The following LRRTM3 variants were observed in gnomAD, a reference collection of about 807,000 sequenced individuals.
LRRTM3 encodes leucine rich repeat transmembrane neuronal 3.
LRRTM3 carries 24 observed loss-of-function variants against 44.7 expected under a neutral mutation model. That is an observed-to-expected ratio of 0.54 (90% CI 0.39 to 0.76). The LOEUF (loss-of-function observed/expected upper bound fraction) is 0.76, where lower values mean the gene tolerates loss of function less well. Ranked by LOEUF, LRRTM3 falls within the 30% of genes least tolerant of loss-of-function variation. The pLI, the probability that LRRTM3 is intolerant of heterozygous loss-of-function variation, is 0.00. For synonymous variants in LRRTM3, 277 were observed against 278.7 expected, an observed-to-expected ratio of 0.99 and a Z score of 0.06; for missense variants, 587 against 702.2, an observed-to-expected ratio of 0.84 and a Z score of 1.85.
At position 67,100,765 on chromosome 10, in the gene LRRTM3, G is replaced by T. The variant is rs959465115; in HGVS notation, c.*2969G>T. On this transcript the variant is annotated 3_prime_UTR_variant, in exon 3 of 3. Coordinates refer to ENST00000361320, the MANE Select transcript of LRRTM3 (RefSeq NM_178011.5). ...CATTTTACATAAATTATCTCATTTT[G>T]TCTTCATAACAACCCTATGAAGACA... is the stretch of plus-strand genomic sequence containing the variant. Among the ~76,000 whole-genome samples the T allele has an allele frequency of 1.4e-4, 21 of 151,728 alleles. No individual in the cohort carries two copies. Among genetic ancestry groups the T allele is most frequent in the African/African-American group, 4.8e-4 (20 of 41,478 alleles).
intron 2 of LRRTM3, among the ~76,000 whole-genome samples, chr10:67,063,314 G>C (rs1855871573): frequency 6.6e-6 from 1 of 151,970 alleles, no homozygotes; most frequent in Admixed American, 6.6e-5. Context: ...ATGATTTTGG[G>C]GAACAACATA....
intron 2 of LRRTM3, among the ~76,000 whole-genome samples, chr10:67,094,516 T>G (rs983932287): frequency 6.6e-5 from 10 of 151,844 alleles, no homozygotes; most frequent in African/African-American, 2.4e-4. Context: ...ATTCTATACC[T>G]AAATCACTTG....
chr10:67,089,463 G>A (rs10822972), intron 2 of LRRTM3, among the ~76,000 whole-genome samples: 53,524 of 151,698 alleles, frequency 0.35, 9,806 homozygotes, highest in Middle Eastern at 0.53. Context: ...CCATTGGAAT[G>A]CTAAAGAGTT....
At chr10:67,062,198 CAG>C (rs3056607) in intron 2 of LRRTM3, among the ~76,000 whole-genome samples, 76,586 of 151,696 alleles carry the variant, frequency 0.5, 19,662 homozygotes, top group Middle Eastern at 0.64. Flanking sequence ...TTAAAACCCA[CAG>C]AGAGTAAATT....
At chr10:67,075,046 C>A (rs2619654) in intron 2 of LRRTM3, among the ~76,000 whole-genome samples, 1 of 151,912 alleles carries the variant, frequency 6.6e-6, no homozygotes, top group Admixed American at 6.6e-5. Flanking sequence ...TCTTCAGCTT[C>A]TAACAGTAAG....
intron 2 of LRRTM3, among the ~76,000 whole-genome samples, chr10:66,950,620 A>T (rs1280844519): frequency 2.0e-5 from 3 of 152,140 alleles, no homozygotes; most frequent in Non-Finnish European, 4.4e-5. Context: ...TACCATTTTC[A>T]GTTATGTGAA....
intron 2 of LRRTM3, among the ~76,000 whole-genome samples, chr10:66,993,820 G>A (rs1328793003): frequency 6.6e-6 from 1 of 151,928 alleles, no homozygotes; most frequent in African/African-American, 2.4e-5. Flanking sequence ...TGCAAATTTG[G>A]TTAGGTCTTC....
At chr10:67,013,031 T>C (rs1852439566) in intron 2 of LRRTM3, 1 of 152,138 alleles carries the variant, frequency 6.6e-6, no homozygotes, top group Non-Finnish European at 1.5e-5. Flanking sequence ...CACTAGGTAA[T>C]ATTCTTTAAG....
At chr10:67,008,963 T>C (rs1410361033) in intron 2 of LRRTM3, among the ~76,000 whole-genome samples, 1 of 152,178 alleles carries the variant, frequency 6.6e-6, no homozygotes, top group East Asian at 1.9e-4. Context: ...CTTGGGTGGG[T>C]ATAAAACCTT....
At chr10:67,035,797 TAA>T (rs5785812) in intron 2 of LRRTM3, among the ~76,000 whole-genome samples, 3 of 151,922 alleles carry the variant, frequency 2.0e-5, no homozygotes, top group African/African-American at 7.3e-5. Context: ...ACATTTGCTT[TAA>T]AAAAAAATCC....
chr10:67,004,403 T>C (rs1404793740), intron 2 of LRRTM3, among the ~76,000 whole-genome samples: 1 of 152,206 alleles, frequency 6.6e-6, no homozygotes, highest in African/African-American at 2.4e-5. Context: ...GTATCTTGCT[T>C]CCCTGTTAAA....
rs1858313198 is a variant in LRRTM3, at chr10:67,101,143, C to A, written c.*3347C>A. ...ACATACAAGTTCGTTTGTGAATGTGCAGAACAGATGCTCCCAAGATGTGGA... is the reference window on the plus strand; with the variant it reads ...ACATACAAGTTCGTTTGTGAATGTGAAGAACAGATGCTCCCAAGATGTGGA... On this transcript the variant is annotated 3_prime_UTR_variant, in exon 3 of 3. Transcript: ENST00000361320. 6.6e-6 allele frequency among the ~76,000 whole-genome samples: 1 copy of A among 151,632 alleles called. No individual in the cohort carries two copies. Among genetic ancestry groups the A allele is most frequent in the Non-Finnish European group, 1.5e-5 (1 of 67,756 alleles).
chr10:67,036,339 G>A lies in LRRTM3; in HGVS notation c.1537-61248G>A, dbSNP rs753208751. ...GGCTGGAGTGCAGTGGCGCGATCTC[G>A]GCTCACTGCAATCTCTCCCTTCAGT... is the stretch of plus-strand genomic sequence containing the variant. On this transcript the variant is annotated intron_variant, in intron 2 of 2. Coordinates refer to ENST00000361320, the MANE Select transcript of LRRTM3 (RefSeq NM_178011.5). Among the ~76,000 whole-genome samples the A allele has an allele frequency of 5.3e-5, 8 of 150,960 alleles. 1 individual carries two copies. Among genetic ancestry groups the A allele is most frequent in the African/African-American group, 1.7e-4 (7 of 41,010 alleles).
Position 66,928,036 on chromosome 10 carries a change from G to A in LRRTM3, c.1120G>A (p.Ala374Thr), listed in dbSNP as rs747622871. The change falls in exon 2 of 3, where the codon GCT becomes ACT. Residue 374 changes from alanine (A) to threonine (T), a missense_variant. This residue lies in a region of LRRTM3 where 315 missense variants were observed against 335.6 expected (regional missense o/e 0.94). Transcript: ENST00000361320. ...STTERFDLAR[A>T]LPKPTFKPKL... ...TACAGAGAGGTTTGATCTGGCCAGG[G>A]CTCTCCCAAAGCCGACGTTTAAGCC... 1 of 1,614,082 alleles carries A rather than the reference G, an allele frequency of 6.2e-7. No homozygotes were observed. Among genetic ancestry groups the A allele is most frequent in the Middle Eastern group, 1.6e-4 (1 of 6,062 alleles).
chr10:66,936,818 A>G (rs1847727474), intron 2 of LRRTM3, among the ~76,000 whole-genome samples: 1 of 152,116 alleles, frequency 6.6e-6, no homozygotes, highest in African/African-American at 2.4e-5. Flanking sequence ...CTGCTCCCAG[A>G]GTGAGAGCAG....
At chr10:67,033,551 C>A (rs1221301246) in intron 2 of LRRTM3, among the ~76,000 whole-genome samples, 1 of 152,204 alleles carries the variant, frequency 6.6e-6, no homozygotes, top group Non-Finnish European at 1.5e-5. Context: ...ACTTCTACTA[C>A]TTATAACACA....
At chr10:67,089,150 A>G (rs913473295) in intron 2 of LRRTM3, among the ~76,000 whole-genome samples, 1 of 152,004 alleles carries the variant, frequency 6.6e-6, no homozygotes, top group African/African-American at 2.4e-5. Context: ...GGAGTCCTAG[A>G]GCCAATCCCC....
intron 2 of LRRTM3, among the ~76,000 whole-genome samples, chr10:67,061,893 G>T (rs1335267418): frequency 6.6e-6 from 1 of 152,102 alleles, no homozygotes; most frequent in Non-Finnish European, 1.5e-5. Context: ...GATTCATGCA[G>T]AGTTTTATAG....
intron 2 of LRRTM3, among the ~76,000 whole-genome samples, chr10:67,028,854 A>G (rs1283892539): frequency 6.6e-6 from 1 of 152,170 alleles, no homozygotes; most frequent in Non-Finnish European, 1.5e-5. Context: ...GTAGACTATT[A>G]GTAGTTTAGT....
Sources: allele counts gnomAD v4.1 joint callset (sites outside exome capture counted in the v4.1 genomes callset), GRCh38; gene constraint gnomAD v4.1.1; regional missense constraint gnomAD v4.1.1; transcripts MANE v1.5; gene names NCBI Gene and HGNC (gene_info 2026-07-23, HGNC 2026-07-21).